The following LINGO2 variants were observed in gnomAD, a reference collection of about 807,000 sequenced individuals.
LINGO2 encodes the protein leucine-rich repeat and immunoglobulin-like domain-containing nogo receptor-interacting protein 2.
In LINGO2, 14 loss-of-function variants were observed where a neutral mutation model predicts 30.6. The ratio of observed to expected loss-of-function variants is 0.46; its 90% CI spans 0.30 to 0.72. The LOEUF (loss-of-function observed/expected upper bound fraction) is 0.72, where lower values mean the gene tolerates loss of function less well. Ranked by LOEUF, LINGO2 falls within the 30% of genes least tolerant of loss-of-function variation. LINGO2 has a pLI of 0.07. For synonymous variants in LINGO2, 317 were observed against 288.5 expected (o/e 1.10, Z -1.00); for missense variants, 729 against 751.7 (o/e 0.97, Z 0.35).
chr9:28,741,686 G>C, the LINGO2 span, among the ~76,000 whole-genome samples: 1 of 151,838 alleles, frequency 6.6e-6, no homozygotes, highest in Non-Finnish European at 1.5e-5. Context: ...TTGGTACTAG[G>C]GTGGATGTGG....
intron 5 of LINGO2, among the ~76,000 whole-genome samples, chr9:27,953,322 T>C (rs763972057): frequency 3.2e-4 from 49 of 152,178 alleles, no homozygotes; most frequent in Non-Finnish European, 6.6e-4. Context: ...CGAACTACTA[T>C]ACATGTTTGT....
At chr9:28,041,963 T>C (rs1260646201) in intron 4 of LINGO2, among the ~76,000 whole-genome samples, 1 of 152,142 alleles carries the variant, frequency 6.6e-6, no homozygotes, top group East Asian at 1.9e-4. Context: ...ACAGAGCTGG[T>C]TTTAAAGCTT....
chr9:29,183,436 T>C, the LINGO2 span, among the ~76,000 whole-genome samples: 1 of 152,168 alleles, frequency 6.6e-6, no homozygotes, highest in Non-Finnish European at 1.5e-5. Context: ...TTTGATAGTG[T>C]CCACAGTACC....
the LINGO2 span, among the ~76,000 whole-genome samples, chr9:29,158,596 T>G: frequency 1.3e-5 from 2 of 152,092 alleles, no homozygotes; most frequent in Non-Finnish European, 2.9e-5. Flanking sequence ...CTCTTGACAT[T>G]CATCTCTATT....
chr9:29,029,883 CAT>C, the LINGO2 span, among the ~76,000 whole-genome samples: 36 of 148,520 alleles, frequency 2.4e-4, 1 homozygote, highest in East Asian at 6.6e-3. Context: ...TTCTGAAAAA[CAT>C]ATTGGAAGAC....
chr9:28,189,665 A>AAGGG (rs1564029438), intron 4 of LINGO2, among the ~76,000 whole-genome samples: 1 of 16,856 alleles, frequency 5.9e-5, no homozygotes, highest in Non-Finnish European at 1.1e-4. Flanking sequence ...GGAAGGAAGG[A>AAGGG]AGGGAGGAAG....
chr9:28,157,637 C>G (rs1828170067), intron 4 of LINGO2, among the ~76,000 whole-genome samples: 1 of 152,170 alleles, frequency 6.6e-6, no homozygotes, highest in Admixed American at 6.5e-5. Flanking sequence ...TGCAAATTTT[C>G]TGAACTTTTA....
rs567511758 is a variant in LINGO2, at chr9:28,072,795, C to T, written c.-86-60390G>A. ...AGGGCCCAGGATCTGTTCTGTTTTT[C>T]AATATATCTGGGGCTGGGCCACTTA... On this transcript the variant is annotated intron_variant, in intron 4 of 5. Transcript: ENST00000379992. Among the ~76,000 whole-genome samples the T allele has an allele frequency of 2.0e-5, 3 of 152,110 alleles. No individual in the cohort carries two copies. The South Asian group carries it at 6.2e-4, about 32-fold the overall frequency.
At chr9:27,949,815 C>G (rs1340006966) in exon 6 of LINGO2, 1 of 1,613,876 alleles carries the variant, frequency 6.2e-7, no homozygotes, top group Non-Finnish European at 8.5e-7. Flanking sequence ...TTCAATAGTG[C>G]TGATGGGATT....
chr9:28,205,893 G>A (rs1820391966), intron 4 of LINGO2, among the ~76,000 whole-genome samples: 2 of 152,068 alleles, frequency 1.3e-5, no homozygotes, highest in Admixed American at 1.3e-4. Context: ...AAAGCAGAAA[G>A]TATGTCTGGC....
the LINGO2 span, among the ~76,000 whole-genome samples, chr9:28,817,664 G>C: frequency 6.6e-6 from 1 of 152,192 alleles, no homozygotes; most frequent in African/African-American, 2.4e-5. Flanking sequence ...GCCCATTATA[G>C]AATCATCAAT....
At chr9:29,159,439 G>A in the LINGO2 span, among the ~76,000 whole-genome samples, 2 of 152,192 alleles carry the variant, frequency 1.3e-5, no homozygotes, top group African/African-American at 4.8e-5. Flanking sequence ...TATTGAAGCT[G>A]TTGATTAAGA....
At chr9:28,605,086 C>T (rs1193277858) in intron 1 of LINGO2, among the ~76,000 whole-genome samples, 5 of 151,786 alleles carry the variant, frequency 3.3e-5, no homozygotes, top group Admixed American at 6.6e-5. Flanking sequence ...ACTATTCATA[C>T]GTAGTTATTG....
At chr9:28,073,004 T>A (rs1302309888) in intron 4 of LINGO2, among the ~76,000 whole-genome samples, 1 of 151,974 alleles carries the variant, frequency 6.6e-6, no homozygotes, top group East Asian at 1.9e-4. Context: ...GGTCTTCGGC[T>A]TGACTTCTTA....
At chr9:28,198,710 CT>C (rs1163967343) in intron 4 of LINGO2, among the ~76,000 whole-genome samples, 4 of 152,038 alleles carry the variant, frequency 2.6e-5, no homozygotes, top group Non-Finnish European at 4.4e-5. Context: ...CAAAAAGATC[CT>C]TTACACTCCT....
chr9:28,108,808 T>C (rs1026667387), intron 4 of LINGO2, among the ~76,000 whole-genome samples: 5 of 152,140 alleles, frequency 3.3e-5, no homozygotes, highest in Non-Finnish European at 7.4e-5. Context: ...GAGATAAATA[T>C]TTTATCCATG....
chr9:28,671,736 C>T (rs777704264), upstream of LINGO2, among the ~76,000 whole-genome samples: 2 of 151,872 alleles, frequency 1.3e-5, no homozygotes, highest in African/African-American at 4.8e-5. Context: ...CCATGTGACA[C>T]GCATTTCCCT....
chr9:28,570,485 T>G (rs1256499808), intron 1 of LINGO2, among the ~76,000 whole-genome samples: 1 of 151,924 alleles, frequency 6.6e-6, no homozygotes, highest in African/African-American at 2.4e-5. Flanking sequence ...AAAAAAATTT[T>G]ACTTGGGGGA....
At chr9:28,057,559 A>ATATATATACATATATATACACATATATG (rs1824986348) in intron 4 of LINGO2, among the ~76,000 whole-genome samples, 1 of 126,168 alleles carries the variant, frequency 7.9e-6, no homozygotes, top group Non-Finnish European at 1.7e-5. Flanking sequence ...ATAAGTATAT[A>ATATATATACATATATATACACATATATG]TATATACATA....
Sources: allele counts gnomAD v4.1 joint callset (sites outside exome capture counted in the v4.1 genomes callset), GRCh38; gene constraint gnomAD v4.1.1; transcripts MANE v1.5; gene names NCBI Gene and HGNC (gene_info 2026-07-23, HGNC 2026-07-21).